The following SLC22A3 variants were observed in gnomAD, a reference collection of about 807,000 sequenced individuals.
The protein encoded by SLC22A3 is solute carrier family 22 member 3, also known as EMT organic cation transporter 3.
SLC22A3 carries 51 observed loss-of-function variants against 59.1 expected under a neutral mutation model. The observed-to-expected ratio is 0.86, with a 90% CI of 0.69 to 1.09. The LOEUF is 1.09. Ranked by LOEUF, SLC22A3 falls within the 50% of genes least tolerant of loss-of-function variation. The pLI, the probability that SLC22A3 is intolerant of heterozygous loss-of-function variation, is 0.00. For missense variants in SLC22A3, 711 were observed against 726.3 expected (o/e 0.98, Z 0.24); for synonymous variants, 325 against 292.0 (o/e 1.11, Z -1.15).
intron 5 of SLC22A3, among the ~76,000 whole-genome samples, chr6:160,422,968 C>T (rs1265081338): frequency 6.6e-6 from 1 of 152,098 alleles, no homozygotes; most frequent in Non-Finnish European, 1.5e-5. Context: ...TCTCCTAATG[C>T]TTTCCCTGCC....
intron 5 of SLC22A3, among the ~76,000 whole-genome samples, chr6:160,412,742 A>G (rs1787308165): frequency 6.6e-6 from 1 of 152,124 alleles, no homozygotes; most frequent in Non-Finnish European, 1.5e-5. Context: ...CAGGTCAAAG[A>G]TCTGATCATT....
intron 5 of SLC22A3, among the ~76,000 whole-genome samples, chr6:160,421,669 A>G (rs1787745603): frequency 1.3e-5 from 2 of 152,194 alleles, no homozygotes; most frequent in South Asian, 4.1e-4. Context: ...TATTCCATTA[A>G]TATTGGTTGT....
intron 1 of SLC22A3, among the ~76,000 whole-genome samples, chr6:160,355,590 T>G (rs1290256218): frequency 7.3e-6 from 1 of 137,074 alleles, no homozygotes; most frequent in Non-Finnish European, 1.6e-5. Flanking sequence ...TGAAACCCCG[T>G]CTCTACTAAA....
At chr6:160,446,049 C>A (rs1562505510) in intron 9 of SLC22A3, among the ~76,000 whole-genome samples, 1 of 152,058 alleles carries the variant, frequency 6.6e-6, no homozygotes, top group Admixed American at 6.5e-5. Context: ...AGGACAGAGA[C>A]CTGAGGGGTG....
intron 5 of SLC22A3, among the ~76,000 whole-genome samples, chr6:160,418,444 C>T (rs937807982): frequency 6.6e-6 from 1 of 152,218 alleles, no homozygotes; most frequent in African/African-American, 2.4e-5. Context: ...CCTACCTCCT[C>T]AGCTTGCAGA....
intron 1 of SLC22A3, among the ~76,000 whole-genome samples, chr6:160,360,785 A>G (rs898089232): frequency 1.3e-5 from 2 of 152,134 alleles, no homozygotes; most frequent in Non-Finnish European, 2.9e-5. Flanking sequence ...CAACCAATGT[A>G]GTCTTTTTTA....
chr6:160,382,445 T>G (rs1425993060), intron 1 of SLC22A3, among the ~76,000 whole-genome samples: 2 of 152,200 alleles, frequency 1.3e-5, no homozygotes, highest in Admixed American at 1.3e-4. Flanking sequence ...CTGAAAAATT[T>G]AGGGATTTGT....
At chr6:160,365,526 C>T (rs1199522936) in intron 1 of SLC22A3, among the ~76,000 whole-genome samples, 1 of 152,152 alleles carries the variant, frequency 6.6e-6, no homozygotes, top group East Asian at 1.9e-4. Context: ...CCAGATGTTG[C>T]CGTTGTCACA....
At chr6:160,446,153 C>A (rs1284089444) in intron 9 of SLC22A3, among the ~76,000 whole-genome samples, 1 of 152,160 alleles carries the variant, frequency 6.6e-6, no homozygotes, top group African/African-American at 2.4e-5. Context: ...AGACCAGGTC[C>A]AACCTAAGGA....
At chr6:160,447,933 A>G in intron 10 of SLC22A3, 115 bp downstream of exon 10, 1 of 865,196 alleles carries the variant, frequency 1.2e-6, no homozygotes, top group Non-Finnish European at 1.9e-6. Context: ...ATAAATCCTC[A>G]TCTCATATTG....
chr6:160,427,144 A>G (rs987801030), intron 5 of SLC22A3, among the ~76,000 whole-genome samples: 1 of 152,224 alleles, frequency 6.6e-6, no homozygotes, highest in East Asian at 1.9e-4. Context: ...GAAGCAATGG[A>G]AGAGATGCTT....
chr6:160,363,619 A>T (rs1785100308), intron 1 of SLC22A3, among the ~76,000 whole-genome samples: 1 of 152,034 alleles, frequency 6.6e-6, no homozygotes. Flanking sequence ...CCCACTCCCC[A>T]CAGGACAGAG....
intron 1 of SLC22A3, among the ~76,000 whole-genome samples, chr6:160,372,793 A>G (rs953588269): frequency 6.6e-6 from 1 of 152,092 alleles, no homozygotes; most frequent in African/African-American, 2.4e-5. Flanking sequence ...TGATTCGGCT[A>G]TTGATACTTG....
intron 1 of SLC22A3, among the ~76,000 whole-genome samples, chr6:160,396,816 T>C (rs1786491589): frequency 6.6e-6 from 1 of 152,112 alleles, no homozygotes; most frequent in South Asian, 2.1e-4. Flanking sequence ...AATCCAATAT[T>C]TAGAGACTTA....
intron 1 of SLC22A3, among the ~76,000 whole-genome samples, chr6:160,389,688 C>T (rs3105748): frequency 0.46 from 70,654 of 152,070 alleles, 16,724 homozygotes; most frequent in East Asian, 0.56. Flanking sequence ...ATGGTCAGAG[C>T]GAGGCTGCAA....
At chr6:160,389,477 A>G (rs420912) in intron 1 of SLC22A3, among the ~76,000 whole-genome samples, 4,492 of 152,230 alleles carry the variant, frequency 0.03, 202 homozygotes, top group Middle Eastern at 0.11. Context: ...TGGGGAGGGT[A>G]ATTCTCCAAA....
At chr6:160,387,676 C>A (rs949328556) in intron 1 of SLC22A3, among the ~76,000 whole-genome samples, 1 of 151,964 alleles carries the variant, frequency 6.6e-6, no homozygotes, top group African/African-American at 2.4e-5. Flanking sequence ...CTAGACTTTT[C>A]TGACTGTTTG....
chr6:160,451,066 C>A lies in SLC22A3; in HGVS notation c.*10C>A. ...CCGCTCTCACCTTTGAGGCCCCCGA[C>A]AAAGACAGAAAGAAGGAGCTATCCA... On this transcript the variant is annotated 3_prime_UTR_variant, in exon 11 of 11. Coordinates refer to ENST00000275300, the MANE Select transcript of SLC22A3 (RefSeq NM_021977.4). 1 of 1,586,946 alleles carries A rather than the reference C, an allele frequency of 6.3e-7. No individual in the cohort carries two copies. The highest frequency in any genetic ancestry group is 8.6e-7 in the Non-Finnish European group (1 of 1,164,168).
At chr6:160,365,221 T>C (rs1353459430) in intron 1 of SLC22A3, among the ~76,000 whole-genome samples, 2 of 152,194 alleles carry the variant, frequency 1.3e-5, no homozygotes, top group Admixed American at 1.3e-4. Flanking sequence ...GCATCAGAAA[T>C]GGCCTCATGA....
Sources: allele counts gnomAD v4.1 joint callset (sites outside exome capture counted in the v4.1 genomes callset), GRCh38; gene constraint gnomAD v4.1.1; transcripts MANE v1.5; gene names NCBI Gene and HGNC (gene_info 2026-07-23, HGNC 2026-07-21).